The following WNT4 variants were observed in gnomAD, a reference collection of about 807,000 sequenced individuals.
The protein encoded by WNT4 is Wnt family member 4, also known as protein Wnt-4.
In WNT4, 16 loss-of-function variants were observed where a neutral mutation model predicts 34.5. The ratio of observed to expected loss-of-function variants is 0.46; its 90% CI spans 0.31 to 0.70. The LOEUF (loss-of-function observed/expected upper bound fraction) is 0.70, where lower values mean the gene tolerates loss of function less well. Among genes scored for constraint, WNT4 ranks in the 30% least tolerant of loss-of-function variants. The pLI is 0.04. For synonymous variants in WNT4, 200 were observed against 211.9 expected, an observed-to-expected ratio of 0.94 and a Z score of 0.49; for missense variants, 379 against 495.9, an observed-to-expected ratio of 0.76 and a Z score of 2.24.
At position 22,120,130 on chromosome 1, in the gene WNT4, A is replaced by C; in HGVS notation, c.976T>G (p.Cys326Gly). ...CAGCACCAGTGGAATTTGCAGCTGC[A>C]GCGTTCAGCCAGCTCCACCTGCGCC... ...HTAQVELAER[C>G]SCKFHWCCFV... The change falls in exon 5 of 5, where the codon TGC becomes GGC. Residue 326 changes from cysteine to glycine, a missense_variant. Physicochemically the swap from Cys to Gly is radical, Grantham distance 159 (BLOSUM62 -3). Around this residue, in one of 2 missense-constraint regions of WNT4, gnomAD observed 313 missense variants for 445.8 expected, o/e 0.70. Transcript: ENST00000290167. 6.2e-7 allele frequency: 1 copy of C among 1,613,312 alleles called. No individual in the cohort carries two copies. The highest frequency in any genetic ancestry group is 1.1e-5 in the South Asian group (1 of 91,078).
At position 22,120,153 on chromosome 1, in the gene WNT4, G is replaced by C. The variant is rs750875648; in HGVS notation, c.953C>G (p.Ala318Gly). ...LLCCGRGFHTAQVELAERCSC... is the reference protein window; with the variant it reads ...LLCCGRGFHTGQVELAERCSC... ...GCAGCGTTCAGCCAGCTCCACCTGC[G>C]CCGTGTGGAAGCCGCGGCCACAGCA... is the stretch of plus-strand genomic sequence containing the variant. The change falls in exon 5 of 5, where the codon GCG (alanine) becomes GGG (glycine). Residue 318 changes from alanine to glycine, a missense_variant. Physicochemically the swap from Ala to Gly is moderately conservative, Grantham distance 60. Coordinates refer to ENST00000290167, the MANE Select transcript of WNT4 (RefSeq NM_030761.5). 6.2e-7 allele frequency: 1 copy of C among 1,613,504 alleles called. No individual in the cohort carries two copies. Among genetic ancestry groups the C allele is most frequent in the Admixed American group, 1.7e-5 (1 of 60,004 alleles).
Position 22,120,261 on chromosome 1 carries a change from T to C in WNT4, c.845A>G (p.Gln282Arg), listed in dbSNP as rs868186380. ...GCCCAGCACGCCGCTGCGCATGTCC[T>C]GCTCACAGAAGTCGGGGCTAGGCTC... is the stretch of plus-strand genomic sequence containing the variant. ...YLEPSPDFCEQDMRSGVLGTR... is the reference protein window; with the variant it reads ...YLEPSPDFCERDMRSGVLGTR... Residue 282 changes from glutamine (Q) to arginine (R), a missense_variant, in exon 5 of 5, where the codon CAG becomes CGG. Transcript: ENST00000290167. The C allele has an allele frequency of 9.3e-6, 15 of 1,614,090 alleles. No individual in the cohort carries two copies. The Middle Eastern group carries it at 6.6e-4, about 71-fold the overall frequency.
At position 22,120,237 on chromosome 1, in the gene WNT4, C is replaced by G; in HGVS notation, c.869G>C (p.Gly290Ala). ...CEQDMRSGVL[G>A]TRGRTCNKTS... ...CTTGTTGCATGTGCGGCCCCTCGTG[C>G]CCAGCACGCCGCTGCGCATGTCCTG... is the stretch of plus-strand genomic sequence containing the variant. The change falls in exon 5 of 5, where the codon GGC (glycine) becomes GCC (alanine). Residue 290 changes from glycine (G) to alanine (A), a missense_variant. Transcript: ENST00000290167. The G allele has an allele frequency of 6.2e-7, 1 of 1,614,152 alleles. No individual in the cohort carries two copies. Among genetic ancestry groups the G allele is most frequent in the Non-Finnish European group, 8.5e-7 (1 of 1,180,022 alleles).
intron 2 of WNT4, among the ~76,000 whole-genome samples, chr1:22,126,367 C>T (rs1344478596): frequency 3.9e-5 from 6 of 152,116 alleles, no homozygotes; most frequent in Non-Finnish European, 8.8e-5. Flanking sequence ...GGAGGCTGGT[C>T]CTGGAGTGGT....
rs1399961356 is a variant in WNT4 at position 22,142,417 on chromosome 1, G to A, written c.77+429C>T. On this transcript the variant is annotated intron_variant, in intron 1 of 4. Transcript: ENST00000290167. This position sits in a 1 kb window ranked among gnomAD's most constrained non-coding sequence, Gnocchi z 6.0. ...AGCTCGGCGCAGCTCGGCGCTGGGAGCTCGCTCCGGACTTCTCGGGATTAA... is the reference window on the plus strand; with the variant it reads ...AGCTCGGCGCAGCTCGGCGCTGGGAACTCGCTCCGGACTTCTCGGGATTAA... 6.6e-6 allele frequency among the ~76,000 whole-genome samples: 1 copy of A among 152,174 alleles called. No individual in the cohort carries two copies. The highest frequency in any genetic ancestry group is 1.5e-5 in the Non-Finnish European group (1 of 68,034).
chr1:22,130,970 A>T (rs987358130), intron 1 of WNT4, among the ~76,000 whole-genome samples: 1 of 152,240 alleles, frequency 6.6e-6, no homozygotes, highest in African/African-American at 2.4e-5. Context: ...TCCTCTCAGA[A>T]AGCCAACCAG....
chr1:22,120,371 C>T lies in WNT4; in HGVS notation c.735G>A (p.Glu245=), dbSNP rs149287527. Residue 245 remains glutamate, a synonymous_variant, in exon 5 of 5, where the codon GAG becomes GAA. Transcript: ENST00000290167. Reference sequence around the variant, plus strand: ...CCCTGGAGGAGCCCACGCGGCGTGGCTCCACCTCAGTGGCACCATCAAACT... The same window carrying T: ...CCCTGGAGGAGCCCACGCGGCGTGGTTCCACCTCAGTGGCACCATCAAACT... ...KEKFDGATEV[E]PRRVGSSRAL... 1 of 1,614,222 alleles carries T rather than the reference C, an allele frequency of 6.2e-7. No individual in the cohort carries two copies. Among genetic ancestry groups the T allele is most frequent in the Admixed American group, 1.7e-5 (1 of 60,038 alleles).
chr1:22,138,927 T>C (rs1646043816), intron 1 of WNT4, among the ~76,000 whole-genome samples: 1 of 152,108 alleles, frequency 6.6e-6, no homozygotes, highest in South Asian at 2.1e-4. Context: ...CGCACACCAG[T>C]GGGGACTCAA....
intron 2 of WNT4, among the ~76,000 whole-genome samples, chr1:22,125,801 G>T (rs1309311539): frequency 3.3e-5 from 5 of 152,092 alleles, no homozygotes; most frequent in Non-Finnish European, 2.9e-5. Context: ...TCTCCCACCT[G>T]CCCAGGCACA....
chr1:22,124,515 T>G (rs1645926494), intron 2 of WNT4, among the ~76,000 whole-genome samples: 1 of 152,190 alleles, frequency 6.6e-6, no homozygotes, highest in Non-Finnish European at 1.5e-5. Flanking sequence ...TAACAGCCAC[T>G]CTTTCTGAGG....
chr1:22,135,237 T>C (rs1235068843), intron 1 of WNT4, among the ~76,000 whole-genome samples: 1 of 152,206 alleles, frequency 6.6e-6, no homozygotes, highest in African/African-American at 2.4e-5. Flanking sequence ...ACTTATACTC[T>C]GCAATCAATA....
intron 2 of WNT4, among the ~76,000 whole-genome samples, chr1:22,128,570 C>A (rs7522370): frequency 0.015 from 2,327 of 152,252 alleles, 67 homozygotes; most frequent in African/African-American, 0.053. Context: ...CCCTGAGCAT[C>A]CCAGCCCCAG....
chr1:22,122,548 T>C (rs1645908697), intron 2 of WNT4, among the ~76,000 whole-genome samples: 1 of 152,076 alleles, frequency 6.6e-6, no homozygotes, highest in South Asian at 2.1e-4. Context: ...AGCTGGAGTA[T>C]GCATGGCCGG....
chr1:22,138,385 C>A (rs1294410213), intron 1 of WNT4, among the ~76,000 whole-genome samples: 3 of 150,580 alleles, frequency 2.0e-5, no homozygotes, highest in Non-Finnish European at 3.0e-5. Flanking sequence ...ACCATTGATT[C>A]CTGGGGGAAT....
chr1:22,129,997 C>T, intron 1 of WNT4, 146 bp from the exon 2 acceptor site: 2 of 933,598 alleles, frequency 2.1e-6, no homozygotes, highest in South Asian at 1.3e-5. Flanking sequence ...GATCCAGTTA[C>T]AGGCCCTCTT....
At chr1:22,120,965 C>T (rs1570087728) in intron 4 of WNT4, among the ~76,000 whole-genome samples, 2 of 152,114 alleles carry the variant, frequency 1.3e-5, no homozygotes, top group African/African-American at 4.8e-5. Context: ...CAGGGATGGA[C>T]ACATATATGT....
rs941045307 is a variant in WNT4 at position 22,140,370 on chromosome 1, G to A, written c.77+2476C>T. 5 of 651,418 alleles carry A rather than the reference G, an allele frequency of 7.7e-6. No individual in the cohort carries two copies. The highest frequency in any genetic ancestry group is 5.7e-6 in the Non-Finnish European group (3 of 525,042). The allele number at this position is 651,418 out of a possible 1,614,324, so 40.4% of individuals were successfully genotyped here. On this transcript the variant is annotated intron_variant, in intron 1 of 4. Transcript: ENST00000290167. This position sits in a 1 kb window ranked among gnomAD's most constrained non-coding sequence, Gnocchi z 5.9. ...TTCTCATCTGTAACGGGATTGAAAC[G>A]TTGTTGGGATTTAGATCATGCTGTG...
rs941284496 is a variant in WNT4 at position 22,140,342 on chromosome 1, A to G, written c.77+2504T>C. On this transcript the variant is annotated intron_variant, in intron 1 of 4. Coordinates refer to ENST00000290167, the MANE Select transcript of WNT4 (RefSeq NM_030761.5). This position sits in a 1 kb window ranked among gnomAD's most constrained non-coding sequence, Gnocchi z 5.9. ...TGGGCAGTTACCTCTGCGATCCCCA[A>G]TCTTCTCATCTGTAACGGGATTGAA... 9 of 851,052 alleles carry G rather than the reference A, an allele frequency of 1.1e-5. No individual in the cohort carries two copies. The highest frequency in any genetic ancestry group is 6.2e-5 in the Admixed American group (1 of 16,094). 52.7% of individuals were successfully genotyped at this position (851,052 alleles called of 1,614,324 possible).
chr1:22,127,108 A>T (rs1645945967), intron 2 of WNT4: 1 of 363,142 alleles, frequency 2.8e-6, no homozygotes, highest in Admixed American at 3.8e-5. Flanking sequence ...ATGAGTGGGC[A>T]GAGCTCAGCC....
Sources: gnomAD v4.1 joint callset for allele counts (sites outside exome capture counted in the v4.1 genomes callset) on GRCh38, gnomAD v4.1.1 for gene constraint, gnomAD v4.1.1 regional missense constraint, Gnocchi (gnomAD v3.1) non-coding constraint, MANE v1.5 for transcripts, NCBI Gene and HGNC (gene_info 2026-07-23, HGNC 2026-07-21) for gene names.